The following KAZN variants were observed in gnomAD, a reference collection of about 807,000 sequenced individuals.
KAZN encodes the protein kazrin.
Under a neutral mutation model 87.4 loss-of-function variants are expected in KAZN, and 40 were observed. The observed-to-expected ratio is 0.46, with a 90% confidence interval of 0.36 to 0.60. The LOEUF is 0.60. Ranked by LOEUF, KAZN falls within the 20% of genes least tolerant of loss-of-function variation. KAZN has a pLI of 0.00. For synonymous variants in KAZN, 466 were observed against 458.3 expected (o/e 1.02, Z -0.22); for missense variants, 898 against 1,073.9 (o/e 0.84, Z 2.29).
chr1:14,808,185 G>A (rs778011024), intron 1 of KAZN, among the ~76,000 whole-genome samples: 5 of 152,088 alleles, frequency 3.3e-5, no homozygotes, highest in African/African-American at 4.8e-5. Flanking sequence ...AAGCAAAGGC[G>A]GTGTATGTTC....
chr1:14,257,705 C>T (rs977305140), intron 2 of KAZN, among the ~76,000 whole-genome samples: 5 of 143,218 alleles, frequency 3.5e-5, no homozygotes, highest in African/African-American at 1.3e-4. Context: ...CCAGTTTTCC[C>T]AGCACCATAT....
At chr1:15,012,555 A>G (rs1381034374) in intron 2 of KAZN, among the ~76,000 whole-genome samples, 1 of 152,198 alleles carries the variant, frequency 6.6e-6, no homozygotes, top group African/African-American at 2.4e-5. Flanking sequence ...AATGCAGGGC[A>G]CAGCATAGGA....
intron 2 of KAZN, among the ~76,000 whole-genome samples, chr1:14,562,153 A>G (rs191624535): frequency 6.6e-6 from 1 of 152,282 alleles, no homozygotes; most frequent in Admixed American, 6.5e-5. Context: ...TGTTTGGCAA[A>G]TAAATTGAAA....
At chr1:14,014,532 A>T (rs1439767292) in intron 1 of KAZN, among the ~76,000 whole-genome samples, 3 of 152,204 alleles carry the variant, frequency 2.0e-5, no homozygotes. Context: ...CCCTTGGGTC[A>T]AATCCAGCTT....
chr1:14,575,106 G>T (rs978668395), intron 2 of KAZN, among the ~76,000 whole-genome samples: 3 of 152,094 alleles, frequency 2.0e-5, no homozygotes, highest in African/African-American at 7.2e-5. Flanking sequence ...AGATATTAAG[G>T]ATCCATTGAA....
chr1:14,098,992 G>T lies in KAZN; in HGVS notation c.92-81443G>T, dbSNP rs192343434. Among the ~76,000 whole-genome samples the T allele has an allele frequency of 1.2e-3, 184 of 152,268 alleles. 1 individual carries two copies. The highest frequency in any genetic ancestry group is 3.9e-3 in the African/African-American group (162 of 41,546). On this transcript the variant is annotated intron_variant, in intron 1 of 16. Transcript: ENST00000636203. ...TTTTACCATCTTCTCTTAGGTCAGG[G>T]TTTAGGGTTTGGAGCCTGGGCTAAG...
chr1:14,992,983 T>G (rs958613643), intron 2 of KAZN, among the ~76,000 whole-genome samples: 9 of 128,650 alleles, frequency 7.0e-5, no homozygotes, highest in Non-Finnish European at 1.6e-5. Context: ...AGGTATATTT[T>G]TTTACCACAA....
intron 4 of KAZN, among the ~76,000 whole-genome samples, chr1:15,051,370 C>T (rs1573193533): frequency 6.6e-6 from 1 of 152,238 alleles, no homozygotes; most frequent in Admixed American, 6.5e-5. Flanking sequence ...CCTGTGCTGC[C>T]ATCTCCCCTT....
At chr1:14,099,158 A>T (rs966497587) in intron 1 of KAZN, among the ~76,000 whole-genome samples, 1 of 152,122 alleles carries the variant, frequency 6.6e-6, no homozygotes, top group Non-Finnish European at 1.5e-5. Flanking sequence ...ATGGAGGGGA[A>T]TAAGGAATCA....
intron 1 of KAZN, among the ~76,000 whole-genome samples, chr1:14,785,268 A>T (rs537346016): frequency 1.3e-3 from 192 of 152,294 alleles, no homozygotes; most frequent in African/African-American, 4.3e-3. Flanking sequence ...CCCATGGAAG[A>T]ACTTTCCCAA....
Position 14,967,838 on chromosome 1 carries a change from G to A in KAZN, c.418+6963G>A, listed in dbSNP as rs574228880. On this transcript the variant is annotated intron_variant, in intron 2 of 14. Coordinates refer to ENST00000376030, the MANE Select transcript of KAZN (RefSeq NM_201628.3). ...CCTGCCAACACCAGGGTTTTAGCCC[G>A]GTAACACCCATTTTAGACCTTTGAC... Among the ~76,000 whole-genome samples, 20 of 152,274 alleles carry A rather than the reference G, an allele frequency of 1.3e-4. 1 individual carries two copies. Among genetic ancestry groups the A allele is most frequent in the South Asian group, 6.2e-4 (3 of 4,826 alleles).
At chr1:14,563,835 C>T (rs1674389162) in intron 2 of KAZN, among the ~76,000 whole-genome samples, 1 of 149,502 alleles carries the variant, frequency 6.7e-6, no homozygotes, top group South Asian at 2.1e-4. Context: ...AACATGAGGC[C>T]TTTGGTGCCT....
chr1:15,094,942 A>C lies in KAZN; in HGVS notation c.1547+9A>C, dbSNP rs1172296459. Reference sequence around the variant, plus strand: ...GCCGAGGCAGGCCGCAGGTGAGCCCACCACGAGGGGCCCCGGGGGAGGAGA... The same window carrying C: ...GCCGAGGCAGGCCGCAGGTGAGCCCCCCACGAGGGGCCCCGGGGGAGGAGA... On this transcript the variant is annotated intron_variant, in intron 10 of 14. Coordinates refer to ENST00000376030, the MANE Select transcript of KAZN (RefSeq NM_201628.3). The surrounding 1 kb of genome is among the most constrained non-coding windows in gnomAD (Gnocchi z 4.5). The C allele has an allele frequency of 2.6e-6, 4 of 1,541,212 alleles. No individual in the cohort carries two copies. The highest frequency in any genetic ancestry group is 1.8e-6 in the Non-Finnish European group (2 of 1,139,060).
At chr1:14,154,953 T>TTCCTTCCTTC (rs1553136613) in intron 1 of KAZN, among the ~76,000 whole-genome samples, 1 of 134,794 alleles carries the variant, frequency 7.4e-6, no homozygotes, top group Admixed American at 7.5e-5. Context: ...TTGTAGTTTT[T>TTCCTTCCTTC]CTTCCTTCCT....
intron 2 of KAZN, among the ~76,000 whole-genome samples, chr1:14,363,967 ATTT>A (rs34042579): frequency 0.059 from 8,667 of 145,808 alleles, 835 homozygotes; most frequent in African/African-American, 0.2. Flanking sequence ...TACTCACAAT[ATTT>A]TTTTTTTTTT....
intron 10 of KAZN, among the ~76,000 whole-genome samples, chr1:15,095,925 C>T (rs937136303): frequency 1.3e-5 from 2 of 152,062 alleles, no homozygotes; most frequent in African/African-American, 4.8e-5. Flanking sequence ...ACTTAGGGAG[C>T]GACTCAGAGC....
chr1:13,954,028 T>A (rs1641448592), intron 1 of KAZN, among the ~76,000 whole-genome samples: 1 of 152,218 alleles, frequency 6.6e-6, no homozygotes, highest in South Asian at 2.1e-4. Flanking sequence ...TAAACTTTGT[T>A]TTTTTCCATT....
intron 1 of KAZN, among the ~76,000 whole-genome samples, chr1:14,011,477 C>T (rs1271791678): frequency 6.6e-6 from 1 of 152,182 alleles, no homozygotes; most frequent in Non-Finnish European, 1.5e-5. Flanking sequence ...GAGGTCACCT[C>T]CTGGAAATCA....
chr1:15,021,778 GTT>G lies in KAZN; in HGVS notation c.419-12969_419-12968del, dbSNP rs1184785515. ...TCCCCTCCCTGGGACCGGCCTAGCT[GTT>G]TCCAGCCCTTTCTCATTGGAAGCCC... On this transcript the variant is annotated intron_variant, in intron 2 of 14. Coordinates refer to ENST00000376030, the MANE Select transcript of KAZN (RefSeq NM_201628.3). This position sits in a 1 kb window ranked among gnomAD's most constrained non-coding sequence, Gnocchi z 4.2. 6.6e-6 allele frequency among the ~76,000 whole-genome samples: 1 copy of G among 152,200 alleles called. No homozygotes were observed. The highest frequency in any genetic ancestry group is 2.4e-5 in the African/African-American group (1 of 41,448).
Sources: gnomAD v4.1 joint callset for allele counts (sites outside exome capture counted in the v4.1 genomes callset) on GRCh38, gnomAD v4.1.1 for gene constraint, Gnocchi (gnomAD v3.1) non-coding constraint, MANE v1.5 for transcripts, NCBI Gene and HGNC (gene_info 2026-07-23, HGNC 2026-07-21) for gene names.